The following WNT5A variants were observed in gnomAD, a reference collection of about 807,000 sequenced individuals.
The protein encoded by WNT5A is protein Wnt-5a.
Under a neutral mutation model 42.1 loss-of-function variants are expected in WNT5A, and 9 were observed. The observed-to-expected ratio is 0.21, with a 90% CI of 0.13 to 0.37. The LOEUF (loss-of-function observed/expected upper bound fraction) is 0.37. Among genes scored for constraint, WNT5A ranks in the 10% least tolerant of loss-of-function variants. WNT5A has a pLI of 1.00. For missense variants in WNT5A, 426 were observed against 534.0 expected (o/e 0.80, Z 1.99); for synonymous variants, 210 against 210.0 (o/e 1.00, Z 0.00).
At chr3:55,490,375 G>C (rs1305939230), upstream of WNT5A, 1 of 152,190 alleles carries the variant, frequency 6.6e-6, no homozygotes, top group Admixed American at 6.5e-5. Context: ...TCCTCTAGTG[G>C]AAGTCGGTGT....
chr3:55,476,966 T>C (rs551901822), intron 3 of WNT5A, among the ~76,000 whole-genome samples: 7 of 152,318 alleles, frequency 4.6e-5, no homozygotes, highest in African/African-American at 1.7e-4. Context: ...AGTGGGCCCT[T>C]CATGAAGTAA....
At chr3:55,486,456 CG>C (rs1369855724) in intron 1 of WNT5A, among the ~76,000 whole-genome samples, 1 of 152,132 alleles carries the variant, frequency 6.6e-6, no homozygotes, top group African/African-American at 2.4e-5. Context: ...TCCGTCGGTG[CG>C]GGGGGGTGTC....
chr3:55,495,455 C>G (rs484247), upstream of WNT5A, among the ~76,000 whole-genome samples: 80,700 of 152,018 alleles, frequency 0.53, 22,519 homozygotes, highest in African/African-American at 0.71. Flanking sequence ...CTCTGTGCCT[C>G]GCTTATTTTA....
chr3:55,472,434 T>C (rs1331272968), intron 4 of WNT5A, among the ~76,000 whole-genome samples: 2 of 152,306 alleles, frequency 1.3e-5, no homozygotes, highest in East Asian at 3.9e-4. Context: ...GAGGCATTTC[T>C]GATCTGAGGC....
chr3:55,475,295 G>A (rs2051334248), intron 3 of WNT5A, among the ~76,000 whole-genome samples: 2 of 152,060 alleles, frequency 1.3e-5, no homozygotes, highest in Non-Finnish European at 1.5e-5. Context: ...TACATATAAG[G>A]CAGGATTACA....
At chr3:55,491,099 A>G (rs1286336477), upstream of WNT5A, among the ~76,000 whole-genome samples, 3 of 152,180 alleles carry the variant, frequency 2.0e-5, no homozygotes, top group African/African-American at 7.2e-5. Context: ...AACCACACGA[A>G]TGGGCGAATG....
At chr3:55,478,288 G>C (rs148287517) in intron 3 of WNT5A, among the ~76,000 whole-genome samples, 2 of 151,848 alleles carry the variant, frequency 1.3e-5, no homozygotes, top group Non-Finnish European at 2.9e-5. Context: ...TGTTCTCAAT[G>C]AATGTAATTT....
At chr3:55,500,459 A>G in the WNT5A span, among the ~76,000 whole-genome samples, 1 of 152,202 alleles carries the variant, frequency 6.6e-6, no homozygotes, top group Non-Finnish European at 1.5e-5. Context: ...TCCTCATGAC[A>G]CTAGAAAATA....
chr3:55,503,323 A>G, the WNT5A span, among the ~76,000 whole-genome samples: 38 of 152,260 alleles, frequency 2.5e-4, no homozygotes, highest in Middle Eastern at 0.01. Flanking sequence ...TTTGTTCAGG[A>G]TCTATTATGT....
chr3:55,496,811 T>C, the WNT5A span, among the ~76,000 whole-genome samples: 1 of 152,140 alleles, frequency 6.6e-6, no homozygotes, highest in Non-Finnish European at 1.5e-5. Flanking sequence ...CAACAGAAAA[T>C]AAAAGCAAAT....
At chr3:55,473,801 C>T (rs1329143038) in intron 4 of WNT5A, among the ~76,000 whole-genome samples, 1 of 151,958 alleles carries the variant, frequency 6.6e-6, no homozygotes, top group Non-Finnish European at 1.5e-5. Context: ...CCCATCTGGG[C>T]ACCTACGAAG....
At chr3:55,490,761 T>C (rs1422917788), upstream of WNT5A, among the ~76,000 whole-genome samples, 1 of 152,186 alleles carries the variant, frequency 6.6e-6, no homozygotes, top group Non-Finnish European at 1.5e-5. Flanking sequence ...GACATAATCT[T>C]GATTTATTCC....
chr3:55,466,529 CAGG>C lies in WNT5A; in HGVS notation c.*3560_*3562del, dbSNP rs1169346099. ...ACTAAAACTTACACAGTGCCAGTCT[CAGG>C]AGGTCAGTAGCTCACAGAACTCAAC... On this transcript the variant is annotated 3_prime_UTR_variant, in exon 5 of 5. Transcript: ENST00000264634. 6.6e-6 allele frequency: 1 copy of C among 152,272 alleles called. No individual in the cohort carries two copies. Among genetic ancestry groups the C allele is most frequent in the East Asian group, 1.9e-4 (1 of 5,204 alleles). 9.4% of individuals were successfully genotyped at this position (152,272 alleles called of 1,614,324 possible). A position where few individuals can be genotyped will look rare whatever the true frequency, so the allele number is the denominator to read the frequency against.
Position 55,468,640 on chromosome 3 carries a change from TTA to T in WNT5A, c.*1450_*1451del, listed in dbSNP as rs886058741. The T allele has an allele frequency of 3.3e-5, 5 of 149,352 alleles. No homozygotes were observed. The highest frequency in any genetic ancestry group is 7.4e-5 in the Non-Finnish European group (5 of 67,482). 9.3% of individuals were successfully genotyped at this position (149,352 alleles called of 1,614,324 possible). On this transcript the variant is annotated 3_prime_UTR_variant, in exon 5 of 5. Transcript: ENST00000264634. ...CAATGAGATATATTTATATTTATAT[TTA>T]TATATATGTATATATATATATATGT...
In WNT5A at chr3:55,483,170, C is replaced by G. The variant is rs2051503157; in HGVS notation, c.7-2252G>C. ...GGGAGAGTCCACCAGTTCCCAGAGCCCAGGCCAACTGAGAGCGGGCCCATC... is the reference window on the plus strand; with the variant it reads ...GGGAGAGTCCACCAGTTCCCAGAGCGCAGGCCAACTGAGAGCGGGCCCATC... On this transcript the variant is annotated intron_variant, in intron 1 of 4. Transcript: ENST00000264634. This position sits in a 1 kb window ranked among gnomAD's most constrained non-coding sequence, Gnocchi z 4.2. Among the ~76,000 whole-genome samples the G allele has an allele frequency of 1.3e-5, 2 of 152,158 alleles. No homozygotes were observed. The highest frequency in any genetic ancestry group is 2.9e-5 in the Non-Finnish European group (2 of 68,040).
At position 55,487,135 on chromosome 3, in the gene WNT5A, G is replaced by C. The variant is rs886058747; in HGVS notation, c.-150C>G. ...GCGCGTCCGGCGGGCGCAGTGAACC[G>C]GAGCTGAAGCGGGCACTGGCGCCCG... On this transcript the variant is annotated 5_prime_UTR_variant, in exon 1 of 5. Coordinates refer to ENST00000264634, the MANE Select transcript of WNT5A (RefSeq NM_003392.7). 3.2e-4 allele frequency: 211 copies of C among 669,686 alleles called. 1 individual carries two copies. The highest frequency in any genetic ancestry group is 1.1e-4 in the Non-Finnish European group (42 of 398,730). 41.5% of individuals were successfully genotyped at this position (669,686 alleles called of 1,614,324 possible).
intron 4 of WNT5A, among the ~76,000 whole-genome samples, chr3:55,472,533 T>C (rs1452048885): frequency 1.3e-5 from 2 of 152,132 alleles, no homozygotes; most frequent in Non-Finnish European, 2.9e-5. Flanking sequence ...AGAATGGGGC[T>C]GACCCCACCC....
At chr3:55,478,603 A>G (rs543153401) in intron 3 of WNT5A, among the ~76,000 whole-genome samples, 1 of 152,312 alleles carries the variant, frequency 6.6e-6, no homozygotes, top group East Asian at 1.9e-4. Context: ...TTGAAATGCT[A>G]TCTCTTTGAA....
chr3:55,489,001 C>A (rs1230962116), upstream of WNT5A, among the ~76,000 whole-genome samples: 1 of 108,782 alleles, frequency 9.2e-6, no homozygotes, highest in Non-Finnish European at 1.9e-5. Flanking sequence ...TGGCTCCGGC[C>A]CAGAGCATGA....
Sources: allele counts gnomAD v4.1 joint callset (sites outside exome capture counted in the v4.1 genomes callset), GRCh38; gene constraint gnomAD v4.1.1; non-coding constraint Gnocchi (gnomAD v3.1); transcripts MANE v1.5; gene names NCBI Gene and HGNC (gene_info 2026-07-23, HGNC 2026-07-21).